Variants in KIAA1217 observed in about 807,000 individuals in gnomAD.
KIAA1217 encodes KIAA1217, also known as sickle tail protein homolog.
KIAA1217 carries 88 observed loss-of-function variants against 163.9 expected under a neutral mutation model. That is an observed-to-expected ratio of 0.54 (90% CI 0.45 to 0.64). The LOEUF is 0.64. Among genes scored for constraint, KIAA1217 ranks in the 30% least tolerant of loss-of-function variants. The pLI, the probability that KIAA1217 is intolerant of heterozygous loss-of-function variation, is 0.00. For synonymous variants in KIAA1217, 903 were observed against 923.1 expected (o/e 0.98, Z 0.39); for missense variants, 2,372 against 2,475.0 (o/e 0.96, Z 0.88).
intron 1 of KIAA1217, among the ~76,000 whole-genome samples, chr10:23,900,445 C>T (rs1379078156): frequency 6.6e-6 from 1 of 151,948 alleles, no homozygotes; most frequent in African/African-American, 2.4e-5. Context: ...CAGCCAAGAA[C>T]CAGAGATATG....
chr10:23,996,962 G>T (rs1846516491), intron 1 of KIAA1217, among the ~76,000 whole-genome samples: 1 of 152,118 alleles, frequency 6.6e-6, no homozygotes, highest in Non-Finnish European at 1.5e-5. Context: ...AAATGTAAAG[G>T]CATAAAGAGG....
intron 2 of KIAA1217, among the ~76,000 whole-genome samples, chr10:24,037,046 C>T (rs755795421): frequency 7.9e-5 from 12 of 152,140 alleles, no homozygotes; most frequent in Non-Finnish European, 1.5e-4. Context: ...GAGGCTGTCA[C>T]CAGCACATGC....
chr10:24,167,379 T>C (rs765490607), intron 2 of KIAA1217, among the ~76,000 whole-genome samples: 54 of 151,996 alleles, frequency 3.6e-4, no homozygotes, highest in Non-Finnish European at 1.2e-4. Flanking sequence ...CTCACAATAT[T>C]GTAGGATTCA....
At chr10:23,704,164 G>GTA (rs1353063268) in intron 1 of KIAA1217, among the ~76,000 whole-genome samples, 13 of 80,582 alleles carry the variant, frequency 1.6e-4, no homozygotes, top group African/African-American at 7.1e-4. Context: ...GTGTGTGTGT[G>GTA]TGTGTGTGTA....
chr10:24,469,182 G>A (rs1218719868), intron 5 of KIAA1217, among the ~76,000 whole-genome samples: 4 of 152,046 alleles, frequency 2.6e-5, no homozygotes, highest in African/African-American at 9.7e-5. Context: ...TTGGAGTACT[G>A]TGGTGTATTC....
intron 1 of KIAA1217, among the ~76,000 whole-genome samples, chr10:23,986,644 T>C (rs183925124): frequency 2.6e-5 from 4 of 152,342 alleles, no homozygotes; most frequent in Admixed American, 2.6e-4. Context: ...AACCTGTGAA[T>C]ACAGAAGGCC....
intron 16 of KIAA1217, among the ~76,000 whole-genome samples, chr10:24,536,011 T>A (rs78747293): frequency 0.037 from 5,639 of 152,134 alleles, 199 homozygotes; most frequent in East Asian, 0.12. Flanking sequence ...GAGTTACCAG[T>A]CTCTCCTTCT....
At chr10:24,215,263 G>GAGGA (rs1352370871) in intron 1 of KIAA1217, among the ~76,000 whole-genome samples, 2 of 152,152 alleles carry the variant, frequency 1.3e-5, no homozygotes, top group Admixed American at 6.5e-5. Flanking sequence ...GAGCTCCCAG[G>GAGGA]AGGAGTTGCC....
chr10:24,039,962 C>G (rs1848563384), intron 2 of KIAA1217, among the ~76,000 whole-genome samples: 1 of 152,134 alleles, frequency 6.6e-6, no homozygotes, highest in Non-Finnish European at 1.5e-5. Context: ...TAAAATTAGT[C>G]TAATTACACT....
intron 3 of KIAA1217, among the ~76,000 whole-genome samples, chr10:24,398,772 C>T (rs1368309077): frequency 6.6e-6 from 1 of 152,144 alleles, no homozygotes. Context: ...ACATGCCCAC[C>T]TGAGGCATTC....
intron 1 of KIAA1217, among the ~76,000 whole-genome samples, chr10:23,759,306 T>G (rs528345474): frequency 6.7e-6 from 1 of 150,178 alleles, no homozygotes; most frequent in Non-Finnish European, 1.5e-5. Context: ...TAACATTTTT[T>G]GGTGAAATAA....
chr10:24,325,463 C>T (rs2044749141), intron 2 of KIAA1217, among the ~76,000 whole-genome samples: 1 of 152,128 alleles, frequency 6.6e-6, no homozygotes, highest in Non-Finnish European at 1.5e-5. Context: ...CATCTTGGTT[C>T]CAGCCTGTCA....
chr10:24,206,413 G>T (rs897253214), upstream of KIAA1217, among the ~76,000 whole-genome samples: 4 of 152,232 alleles, frequency 2.6e-5, no homozygotes, highest in African/African-American at 7.2e-5. Flanking sequence ...GTATTTTCAT[G>T]AAGATCGGAG....
At chr10:24,488,553 G>A (rs151073560) in intron 6 of KIAA1217, among the ~76,000 whole-genome samples, 41 of 152,292 alleles carry the variant, frequency 2.7e-4, no homozygotes, top group African/African-American at 9.4e-4. Context: ...GAAGTTAAAT[G>A]TATTGGGAGT....
At chr10:24,504,926 G>A (rs978436586) in intron 9 of KIAA1217, among the ~76,000 whole-genome samples, 3 of 152,150 alleles carry the variant, frequency 2.0e-5, no homozygotes, top group Non-Finnish European at 4.4e-5. Flanking sequence ...GTTATCTTCT[G>A]CTCTCCAATT....
chr10:23,921,334 T>C (rs998953634), intron 1 of KIAA1217, among the ~76,000 whole-genome samples: 1 of 152,156 alleles, frequency 6.6e-6, no homozygotes, highest in Admixed American at 6.5e-5. Flanking sequence ...TGTGGGCTCA[T>C]TGAAGTCCTA....
At chr10:24,431,833 T>C (rs1385904373) in intron 3 of KIAA1217, among the ~76,000 whole-genome samples, 2 of 152,160 alleles carry the variant, frequency 1.3e-5, no homozygotes, top group African/African-American at 4.8e-5. Context: ...GGGGCCCACA[T>C]ACCCCCTGGG....
intron 2 of KIAA1217, among the ~76,000 whole-genome samples, chr10:24,226,074 T>G (rs1032456112): frequency 6.6e-6 from 1 of 152,078 alleles, no homozygotes; most frequent in South Asian, 2.1e-4. Context: ...AAGTTAGGAA[T>G]GGCTAAGTAA....
chr10:24,361,628 G>A (rs2050011132), intron 2 of KIAA1217, among the ~76,000 whole-genome samples: 1 of 152,176 alleles, frequency 6.6e-6, no homozygotes, highest in Non-Finnish European at 1.5e-5. Flanking sequence ...ACCATATCAT[G>A]CAGGGCCTCC....
Sources: allele counts gnomAD v4.1 joint callset (sites outside exome capture counted in the v4.1 genomes callset), GRCh38; gene constraint gnomAD v4.1.1; transcripts MANE v1.5; gene names NCBI Gene and HGNC (gene_info 2026-07-23, HGNC 2026-07-21).